Variants in EYS observed in about 807,000 individuals in gnomAD.
EYS encodes the protein EGF-like photoreceptor maintenance factor.
Under a neutral mutation model 282.1 loss-of-function variants are expected in EYS, and 250 were observed. The observed-to-expected ratio is 0.89, with a 90% CI of 0.80 to 0.98. The LOEUF is 0.98. EYS is among the 50% of genes least tolerant of loss of function. EYS has a pLI of 0.00. For missense variants in EYS, 4,016 were observed against 3,709.0 expected (o/e 1.08, Z -2.15); for synonymous variants, 1,355 against 1,282.9 (o/e 1.06, Z -1.20).
chr6:65,387,057 T>C (rs1310403775), intron 7 of EYS, among the ~76,000 whole-genome samples: 1 of 152,004 alleles, frequency 6.6e-6, no homozygotes, highest in Non-Finnish European at 1.5e-5. Context: ...ACAATACTCT[T>C]ATCCTCTTTT....
intron 14 of EYS, among the ~76,000 whole-genome samples, chr6:64,952,237 C>A (rs1769536547): frequency 6.6e-6 from 1 of 151,928 alleles, no homozygotes; most frequent in Non-Finnish European, 1.5e-5. Context: ...GCAGAACAAA[C>A]TCACTTTTTA....
chr6:64,764,771 A>C (rs1773270114), intron 22 of EYS, among the ~76,000 whole-genome samples: 1 of 152,078 alleles, frequency 6.6e-6, no homozygotes, highest in South Asian at 2.1e-4. Flanking sequence ...GTAGTTTTGC[A>C]CTTGTCATCC....
chr6:63,945,379 C>T (rs968013548), intron 35 of EYS, among the ~76,000 whole-genome samples: 3 of 152,148 alleles, frequency 2.0e-5, no homozygotes, highest in African/African-American at 4.8e-5. Flanking sequence ...CGCCGGTCCC[C>T]TCCCACAACA....
chr6:65,674,450 C>CAAAAAAAAAAAAAAAAAAAAAAAAAAAA lies in EYS; in HGVS notation c.-448+32684_-448+32685insTTTTTTTTTTTTTTTTTTTTTTTTTTTT, dbSNP rs56958605. Among the ~76,000 whole-genome samples the CAAAAAAAAAAAAAAAAAAAAAAAAAAAA allele has an allele frequency of 5.8e-5, 2 of 34,760 alleles. 1 individual carries two copies. 22.8% of individuals were successfully genotyped at this position (34,760 alleles called of 152,430 possible). ...TGAGTGACAGAGCAAGACTCCGTCT[C>CAAAAAAAAAAAAAAAAAAAAAAAAAAAA]AAAAAAAAAAAAAAAAAAAAAAAAA... On this transcript the variant is annotated intron_variant, in intron 1 of 42. Coordinates refer to ENST00000503581, the MANE Select transcript of EYS (RefSeq NM_001142800.2).
chr6:64,073,834 G>C (rs777518616), intron 32 of EYS, among the ~76,000 whole-genome samples: 17 of 151,552 alleles, frequency 1.1e-4, no homozygotes, highest in Middle Eastern at 3.4e-3. Flanking sequence ...GCAGTGTCTG[G>C]AACATTTCCC....
intron 12 of EYS, among the ~76,000 whole-genome samples, chr6:65,100,303 G>A (rs1295648374): frequency 2.7e-5 from 4 of 150,540 alleles, no homozygotes; most frequent in East Asian, 1.9e-4. Flanking sequence ...AAAGAATAAA[G>A]GTACAAGCTT....
At chr6:64,478,425 T>C (rs539065607) in intron 26 of EYS, among the ~76,000 whole-genome samples, 62 of 151,682 alleles carry the variant, frequency 4.1e-4, no homozygotes, top group Admixed American at 1.1e-3. Flanking sequence ...TTAAATGTTT[T>C]TAAATATTAA....
intron 34 of EYS, 123 bp from the exon 35 acceptor site, chr6:63,984,726 C>A (rs1244090758): frequency 2.5e-6 from 2 of 797,908 alleles, no homozygotes; most frequent in South Asian, 3.3e-5. Flanking sequence ...AAAGAGGTTG[C>A]TATTGTTGGC....
chr6:64,786,901 G>A (rs1019804005), intron 22 of EYS, among the ~76,000 whole-genome samples: 1 of 152,162 alleles, frequency 6.6e-6, no homozygotes, highest in Non-Finnish European at 1.5e-5. Flanking sequence ...GAGGAGATGA[G>A]GCCCTTTTCA....
intron 12 of EYS, among the ~76,000 whole-genome samples, chr6:65,199,089 G>GTA: frequency 6.6e-6 from 1 of 152,122 alleles, no homozygotes; most frequent in African/African-American, 2.4e-5. Flanking sequence ...AAACAATTAG[G>GTA]TTGCTTTTCT....
At chr6:64,098,851 C>T (rs1772727517) in intron 31 of EYS, among the ~76,000 whole-genome samples, 1 of 152,094 alleles carries the variant, frequency 6.6e-6, no homozygotes, top group Admixed American at 6.6e-5. Context: ...GATCCATTCA[C>T]CTCGGCCTCC....
chr6:63,739,859 ATTTT>A (rs34240759), intron 41 of EYS, among the ~76,000 whole-genome samples: 1 of 123,554 alleles, frequency 8.1e-6, no homozygotes, highest in African/African-American at 3.1e-5. Context: ...ACGCCCAGCT[ATTTT>A]TTTTTTTTTT....
intron 41 of EYS, among the ~76,000 whole-genome samples, chr6:63,747,335 T>A (rs939642225): frequency 6.6e-6 from 1 of 152,234 alleles, no homozygotes; most frequent in Admixed American, 6.5e-5. Flanking sequence ...TTTCCATCTT[T>A]TGCATTTGCT....
chr6:65,615,399 TA>T (rs1766152161), intron 2 of EYS, among the ~76,000 whole-genome samples: 1 of 146,924 alleles, frequency 6.8e-6, no homozygotes, highest in South Asian at 2.2e-4. Flanking sequence ...TATATATATA[TA>T]TGTGTGTGTA....
intron 31 of EYS, among the ~76,000 whole-genome samples, chr6:64,193,655 C>T (rs908311083): frequency 6.6e-6 from 1 of 152,098 alleles, no homozygotes; most frequent in African/African-American, 2.4e-5. Context: ...CCTCCCTACC[C>T]CCACCCAATG....
chr6:65,162,569 A>T (rs1764874788), intron 12 of EYS, among the ~76,000 whole-genome samples: 3 of 151,286 alleles, frequency 2.0e-5, no homozygotes, highest in African/African-American at 7.2e-5. Context: ...TCCATTTTTC[A>T]ATTAACTAAT....
At chr6:64,204,016 C>G (rs910370367) in intron 31 of EYS, among the ~76,000 whole-genome samples, 1 of 152,066 alleles carries the variant, frequency 6.6e-6, no homozygotes, top group Non-Finnish European at 1.5e-5. Flanking sequence ...ATCTTTCTAC[C>G]TTAAGAATTA....
At chr6:64,704,463 TATA>T (rs1312954771) in intron 22 of EYS, among the ~76,000 whole-genome samples, 1 of 133,536 alleles carries the variant, frequency 7.5e-6, no homozygotes, top group East Asian at 2.1e-4. Context: ...ATAATTATAA[TATA>T]ATACTTATAA....
intron 26 of EYS, among the ~76,000 whole-genome samples, chr6:64,539,622 G>T (rs1764635230): frequency 1.3e-5 from 2 of 152,130 alleles, no homozygotes; most frequent in East Asian, 1.9e-4. Flanking sequence ...GCTGGGTCTG[G>T]GATGAGCCCA....
Sources: allele counts gnomAD v4.1 joint callset (sites outside exome capture counted in the v4.1 genomes callset), GRCh38; gene constraint gnomAD v4.1.1; transcripts MANE v1.5; gene names NCBI Gene and HGNC (gene_info 2026-07-23, HGNC 2026-07-21).